The following ZNF407 variants were observed in gnomAD, a reference collection of about 807,000 sequenced individuals.
ZNF407 encodes the protein zinc finger protein 407.
ZNF407 carries 17 observed loss-of-function variants against 131.2 expected under a neutral mutation model. The ratio of observed to expected loss-of-function variants is 0.13; its 90% CI spans 0.09 to 0.19. The LOEUF (loss-of-function observed/expected upper bound fraction) is 0.19. Ranked by LOEUF, ZNF407 falls within the 10% of genes least tolerant of loss-of-function variation. The probability of loss-of-function intolerance (pLI) is 1.00; values close to 1 mark genes in which losing one functional copy is unlikely to be tolerated. For missense variants in ZNF407, 2,681 were observed against 2,830.6 expected (o/e 0.95, Z 1.20); for synonymous variants, 1,156 against 1,062.0 (o/e 1.09, Z -1.72).
intron 4 of ZNF407, chr18:74,804,741 C>T (rs935515460): frequency 1.6e-5 from 8 of 500,088 alleles, no homozygotes; most frequent in African/African-American, 4.2e-5. Flanking sequence ...GAAGGTTAGC[C>T]GAGTTGTTTC....
At chr18:74,768,118 A>G (rs1461933277) in intron 3 of ZNF407, among the ~76,000 whole-genome samples, 2 of 152,200 alleles carry the variant, frequency 1.3e-5, no homozygotes, top group East Asian at 3.8e-4. Flanking sequence ...GCATTAAATG[A>G]AGAAGTCTTA....
At chr18:75,014,548 G>C (rs761455095) in intron 8 of ZNF407, among the ~76,000 whole-genome samples, 1 of 152,060 alleles carries the variant, frequency 6.6e-6, no homozygotes, top group Non-Finnish European at 1.5e-5. Flanking sequence ...GGCTTTTCCT[G>C]TCAGATAAGT....
rs190897086 is a variant in ZNF407 at position 74,668,352 on chromosome 18, C to T, written c.4802+27230C>T. 5.2e-4 allele frequency among the ~76,000 whole-genome samples: 57 copies of T among 110,308 alleles called. 2 individuals carry two copies. In the South Asian group the frequency reaches 0.018, roughly 35 times the overall value. 72.4% of individuals were successfully genotyped at this position (110,308 alleles called of 152,430 possible). On this transcript the variant is annotated intron_variant, in intron 3 of 8. Transcript: ENST00000299687. ...TCTTATTATGTAAGTACAAATATTCCGAAACTGGAAAACATATGAAATCTG... is the reference window on the plus strand; with the variant it reads ...TCTTATTATGTAAGTACAAATATTCTGAAACTGGAAAACATATGAAATCTG...
chr18:74,693,226 A>T (rs1018342131), intron 3 of ZNF407, among the ~76,000 whole-genome samples: 1 of 152,198 alleles, frequency 6.6e-6, no homozygotes, highest in African/African-American at 2.4e-5. Context: ...TGGTTGCTTT[A>T]TGATCTCAGC....
intron 3 of ZNF407, among the ~76,000 whole-genome samples, chr18:74,772,041 A>G (rs899572143): frequency 2.6e-5 from 4 of 152,138 alleles, no homozygotes. Context: ...AGAAGTATGG[A>G]GTGGTGGAGA....
intron 1 of ZNF407, among the ~76,000 whole-genome samples, chr18:74,627,721 C>T (rs1983847144): frequency 6.6e-6 from 1 of 152,080 alleles, no homozygotes; most frequent in Admixed American, 6.5e-5. Context: ...TTGGAAAGAG[C>T]TTGTGTACCG....
chr18:74,820,912 A>G (rs1023363036), intron 4 of ZNF407, among the ~76,000 whole-genome samples: 10 of 152,210 alleles, frequency 6.6e-5, no homozygotes, highest in Admixed American at 2.0e-4. Context: ...GAAAAGAGGG[A>G]GAGTGATACT....
chr18:74,801,653 A>C lies in ZNF407; in HGVS notation c.4877+20151A>C, dbSNP rs1223767288. Among the ~76,000 whole-genome samples the C allele has an allele frequency of 3.3e-5, 5 of 152,180 alleles. No individual in the cohort carries two copies. In the East Asian group the frequency reaches 9.6e-4, roughly 29 times the overall value. ...ATCAGAATTTCACACCCGCAGATGC[A>C]TGTCGAGGTCTCTTGGTTGGTGTGC... On this transcript the variant is annotated intron_variant, in intron 4 of 8. Coordinates refer to ENST00000299687, the MANE Select transcript of ZNF407 (RefSeq NM_017757.3).
chr18:74,901,125 G>C (rs983544215), intron 7 of ZNF407, among the ~76,000 whole-genome samples: 1 of 152,096 alleles, frequency 6.6e-6, no homozygotes, highest in African/African-American at 2.4e-5. Context: ...GGTGTCAGTT[G>C]TATTAAACCA....
At chr18:74,756,188 G>C (rs1055135502) in intron 3 of ZNF407, among the ~76,000 whole-genome samples, 3 of 151,172 alleles carry the variant, frequency 2.0e-5, no homozygotes, top group African/African-American at 7.4e-5. Flanking sequence ...CACAGCGCCT[G>C]GCCATATATT....
At chr18:74,777,576 T>G (rs1041580124) in intron 3 of ZNF407, among the ~76,000 whole-genome samples, 5 of 152,182 alleles carry the variant, frequency 3.3e-5, no homozygotes, top group African/African-American at 1.2e-4. Context: ...TTCTTTGATT[T>G]CTCTTTCAGA....
At chr18:74,818,638 C>CT (rs1477960794) in intron 4 of ZNF407, among the ~76,000 whole-genome samples, 1 of 152,122 alleles carries the variant, frequency 6.6e-6, no homozygotes, top group Admixed American at 6.5e-5. Flanking sequence ...CATTCTTACA[C>CT]TTTTTTAAAA....
At chr18:74,735,077 GA>G (rs1968382419) in intron 3 of ZNF407, among the ~76,000 whole-genome samples, 1 of 152,136 alleles carries the variant, frequency 6.6e-6, no homozygotes, top group African/African-American at 2.4e-5. Flanking sequence ...CTAGCAACTG[GA>G]AAGGTATTTT....
chr18:74,690,921 G>A (rs952445664), intron 3 of ZNF407, among the ~76,000 whole-genome samples: 1 of 152,132 alleles, frequency 6.6e-6, no homozygotes, highest in Admixed American at 6.5e-5. Context: ...TTCAATACTT[G>A]TGGAACCAAT....
chr18:74,974,864 T>C (rs1972510850), intron 8 of ZNF407, among the ~76,000 whole-genome samples: 1 of 152,212 alleles, frequency 6.6e-6, no homozygotes, highest in South Asian at 2.1e-4. Context: ...GCTCTCGAGA[T>C]TCTTCCGCTC....
intron 4 of ZNF407, among the ~76,000 whole-genome samples, chr18:74,792,343 T>A (rs1969841963): frequency 6.6e-6 from 1 of 151,768 alleles, no homozygotes; most frequent in East Asian, 1.9e-4. Flanking sequence ...TAGACCCAAA[T>A]TTTCTTTGAA....
At chr18:75,052,159 T>A (rs1309840348) in intron 8 of ZNF407, among the ~76,000 whole-genome samples, 1 of 152,216 alleles carries the variant, frequency 6.6e-6, no homozygotes, top group Admixed American at 6.5e-5. Flanking sequence ...TGCTTAATTT[T>A]ATGTATGCAT....
chr18:74,615,435 G>A (rs532580701), intron 1 of ZNF407, among the ~76,000 whole-genome samples: 2 of 152,324 alleles, frequency 1.3e-5, no homozygotes, highest in South Asian at 2.1e-4. Context: ...AACCCGGGGG[G>A]CAGAGGTTGC....
intron 8 of ZNF407, among the ~76,000 whole-genome samples, chr18:74,989,364 G>T (rs932730683): frequency 6.6e-6 from 1 of 152,206 alleles, no homozygotes; most frequent in African/African-American, 2.4e-5. Flanking sequence ...TATCTTGATT[G>T]TGGTGGTGTA....
Sources: allele counts gnomAD v4.1 joint callset (sites outside exome capture counted in the v4.1 genomes callset), GRCh38; gene constraint gnomAD v4.1.1; transcripts MANE v1.5; gene names NCBI Gene and HGNC (gene_info 2026-07-23, HGNC 2026-07-21).